Variants in SUMF1 observed in about 807,000 individuals in gnomAD.
SUMF1 encodes formylglycine-generating enzyme.
A neutral mutation model predicts 47.6 loss-of-function variants in SUMF1; 48 were observed. The ratio of observed to expected loss-of-function variants is 1.01; its 90% CI spans 0.80 to 1.28. The LOEUF (loss-of-function observed/expected upper bound fraction) is 1.28. SUMF1 is among the 50% of genes most tolerant of loss of function. The probability of loss-of-function intolerance (pLI) is 0.00; values close to 1 mark genes in which losing one functional copy is unlikely to be tolerated. For missense variants in SUMF1, 571 were observed against 485.4 expected (o/e 1.18, Z -1.66); for synonymous variants, 230 against 192.1 (o/e 1.20, Z -1.63).
At chr3:4,174,405 C>G (rs1026282937) in intron 8 of SUMF1, among the ~76,000 whole-genome samples, 1 of 149,728 alleles carries the variant, frequency 6.7e-6, no homozygotes, top group African/African-American at 2.5e-5. Context: ...GGAAATTAAA[C>G]CTGGAATCCA....
chr3:4,245,384 T>C (rs968958715), intron 8 of SUMF1, among the ~76,000 whole-genome samples: 16 of 152,170 alleles, frequency 1.1e-4, no homozygotes, highest in African/African-American at 3.9e-4. Flanking sequence ...TTATCTACCT[T>C]TGGTCTTTAA....
chr3:4,078,629 C>A (rs2686713), intron 8 of SUMF1, among the ~76,000 whole-genome samples: 54,240 of 151,620 alleles, frequency 0.36, 10,149 homozygotes, highest in Admixed American at 0.46. Context: ...GTGGTAGCTC[C>A]CACCTATAAT....
At chr3:4,263,116 G>A (rs1249543089) in intron 8 of SUMF1, among the ~76,000 whole-genome samples, 1 of 152,120 alleles carries the variant, frequency 6.6e-6, no homozygotes, top group Admixed American at 6.6e-5. Context: ...CTAAATAAAT[G>A]GAGATATGAT....
At chr3:4,188,352 A>G (rs574181700) in intron 8 of SUMF1, among the ~76,000 whole-genome samples, 1 of 151,960 alleles carries the variant, frequency 6.6e-6, no homozygotes, top group Non-Finnish European at 1.5e-5. Context: ...TATACATTCT[A>G]TGGGTTTGGA....
intron 8 of SUMF1, among the ~76,000 whole-genome samples, chr3:4,176,752 TAA>T (rs1215715093): frequency 5.9e-5 from 9 of 152,090 alleles, no homozygotes; most frequent in African/African-American, 1.9e-4. Flanking sequence ...GCAAATTGGA[TAA>T]AGAGTCAAGA....
intron 8 of SUMF1, among the ~76,000 whole-genome samples, chr3:4,287,407 T>A (rs1456416132): frequency 1.3e-5 from 2 of 149,888 alleles, no homozygotes; most frequent in East Asian, 2.0e-4. Context: ...ACATAAATTG[T>A]AAAAAAAAAA....
At chr3:4,076,931 G>A (rs1308038506) in intron 8 of SUMF1, among the ~76,000 whole-genome samples, 1 of 152,006 alleles carries the variant, frequency 6.6e-6, no homozygotes, top group East Asian at 1.9e-4. Context: ...GTGAACCCGA[G>A]AGGCAGAGCT....
At chr3:4,289,225 C>A (rs1697694008) in intron 8 of SUMF1, among the ~76,000 whole-genome samples, 2 of 152,348 alleles carry the variant, frequency 1.3e-5, no homozygotes, top group South Asian at 2.1e-4. Flanking sequence ...CAGCTGGAGG[C>A]CAAGATAGTC....
At chr3:4,379,612 G>C (rs1485218741) in intron 7 of SUMF1, among the ~76,000 whole-genome samples, 2 of 152,016 alleles carry the variant, frequency 1.3e-5, no homozygotes, top group Admixed American at 6.6e-5. Flanking sequence ...TCAAGAGATG[G>C]AGGTCAAGAG....
At chr3:4,259,037 C>A (rs925740213) in intron 8 of SUMF1, among the ~76,000 whole-genome samples, 2 of 149,030 alleles carry the variant, frequency 1.3e-5, no homozygotes, top group African/African-American at 5.0e-5. Flanking sequence ...ACCGCATATT[C>A]TCACTCATAG....
intron 8 of SUMF1, among the ~76,000 whole-genome samples, chr3:4,194,487 A>G (rs1196236598): frequency 6.6e-6 from 1 of 152,146 alleles, no homozygotes; most frequent in Non-Finnish European, 1.5e-5. Flanking sequence ...GCCTGGAGAA[A>G]AGCCCACCGT....
chr3:4,113,101 T>C (rs1417256072), intron 8 of SUMF1, among the ~76,000 whole-genome samples: 2 of 152,004 alleles, frequency 1.3e-5, no homozygotes, highest in Non-Finnish European at 2.9e-5. Flanking sequence ...ATTTATGGGA[T>C]ACATGTGATA....
chr3:4,094,470 A>C (rs1222034979), intron 8 of SUMF1, among the ~76,000 whole-genome samples: 2 of 152,106 alleles, frequency 1.3e-5, no homozygotes, highest in East Asian at 1.9e-4. Flanking sequence ...AATGACTTCC[A>C]ACTGGGGAAA....
intron 5 of SUMF1, among the ~76,000 whole-genome samples, chr3:4,417,687 G>T (rs1701758525): frequency 6.6e-6 from 1 of 152,210 alleles, no homozygotes. Flanking sequence ...TGCTTCAGGA[G>T]ATGCCTAAAA....
intron 3 of SUMF1, among the ~76,000 whole-genome samples, chr3:4,441,143 G>A (rs1028028212): frequency 1.3e-5 from 2 of 152,130 alleles, no homozygotes; most frequent in Non-Finnish European, 2.9e-5. Flanking sequence ...CCCGCTCCTC[G>A]TTGTTTGCGT....
intron 8 of SUMF1, among the ~76,000 whole-genome samples, chr3:4,258,594 A>C (rs1697012278): frequency 6.6e-6 from 1 of 152,180 alleles, no homozygotes; most frequent in African/African-American, 2.4e-5. Context: ...AATGGCAATC[A>C]CTAAAAAATC....
chr3:4,459,587 T>C (rs1473840472), intron 1 of SUMF1, among the ~76,000 whole-genome samples: 1 of 152,242 alleles, frequency 6.6e-6, no homozygotes, highest in Non-Finnish European at 1.5e-5. Context: ...TTTTCATTTA[T>C]GATAAATTAG....
intron 8 of SUMF1, among the ~76,000 whole-genome samples, chr3:4,118,097 A>G (rs1381484302): frequency 6.6e-6 from 1 of 152,128 alleles, no homozygotes. Flanking sequence ...AGGGTAGGGT[A>G]AATGAGAATT....
intron 1 of SUMF1, among the ~76,000 whole-genome samples, chr3:4,456,743 C>CAT (rs369822808): frequency 7.2e-5 from 1 of 13,888 alleles, no homozygotes; most frequent in African/African-American, 3.5e-4. Flanking sequence ...TATATATACA[C>CAT]ACATATATAC....
Sources: allele counts gnomAD v4.1 joint callset (sites outside exome capture counted in the v4.1 genomes callset), GRCh38; gene constraint gnomAD v4.1.1; transcripts MANE v1.5; gene names NCBI Gene and HGNC (gene_info 2026-07-23, HGNC 2026-07-21).